KCNH5: variants seen among roughly 807,000 people sequenced by gnomAD.
KCNH5 encodes potassium voltage-gated channel subfamily H member 5.
Under a neutral mutation model 96.1 loss-of-function variants are expected in KCNH5, and 46 were observed. The observed-to-expected ratio is 0.48, with a 90% CI of 0.38 to 0.61. The LOEUF is 0.61. KCNH5 is among the 20% of genes least tolerant of loss of function. KCNH5 has a pLI of 0.00. For missense variants in KCNH5, 907 were observed against 1,225.8 expected (o/e 0.74, Z 3.88); for synonymous variants, 439 against 449.8 (o/e 0.98, Z 0.30).
intron 6 of KCNH5, among the ~76,000 whole-genome samples, chr14:62,955,441 A>G (rs778726846): frequency 6.6e-6 from 1 of 152,222 alleles, no homozygotes; most frequent in South Asian, 2.1e-4. Context: ...TTAAATTAAA[A>G]TTCAGAACAA....
chr14:62,781,543 G>A (rs907972762), intron 9 of KCNH5, among the ~76,000 whole-genome samples: 10 of 152,142 alleles, frequency 6.6e-5, no homozygotes, highest in East Asian at 1.9e-4. Context: ...CACGCCCGGC[G>A]GGGGGTGGGG....
chr14:62,735,438 C>T (rs1885136375), intron 10 of KCNH5, among the ~76,000 whole-genome samples: 1 of 152,148 alleles, frequency 6.6e-6, no homozygotes, highest in African/African-American at 2.4e-5. Context: ...TGAGATTCTT[C>T]AATTTCACTG....
intron 5 of KCNH5, among the ~76,000 whole-genome samples, chr14:62,984,875 A>G (rs895426334): frequency 9.2e-5 from 14 of 152,298 alleles, no homozygotes; most frequent in Admixed American, 7.8e-4. Context: ...AACAATTCTG[A>G]GTGATTCTGG....
intron 7 of KCNH5, among the ~76,000 whole-genome samples, chr14:62,937,547 T>C (rs1889708750): frequency 6.6e-6 from 1 of 152,160 alleles, no homozygotes; most frequent in Admixed American, 6.5e-5. Flanking sequence ...CTGCAACACA[T>C]TTCTTTTTCA....
intron 10 of KCNH5, among the ~76,000 whole-genome samples, chr14:62,744,371 A>T (rs1489206820): frequency 6.6e-6 from 1 of 152,154 alleles, no homozygotes; most frequent in Non-Finnish European, 1.5e-5. Flanking sequence ...CAGATTTCTA[A>T]ACTGTAAGAG....
intron 10 of KCNH5, among the ~76,000 whole-genome samples, chr14:62,764,788 A>G (rs1016995273): frequency 2.0e-5 from 3 of 152,170 alleles, no homozygotes; most frequent in African/African-American, 7.2e-5. Flanking sequence ...ACACAAAAAT[A>G]AAGTACCCAA....
chr14:62,762,646 T>A (rs1054806899), intron 10 of KCNH5, among the ~76,000 whole-genome samples: 1 of 151,624 alleles, frequency 6.6e-6, no homozygotes, highest in Non-Finnish European at 1.5e-5. Flanking sequence ...CCATTTCACA[T>A]GCAATGACAT....
At chr14:62,892,521 C>A (rs554767108) in intron 7 of KCNH5, among the ~76,000 whole-genome samples, 1 of 152,280 alleles carries the variant, frequency 6.6e-6, no homozygotes, top group South Asian at 2.1e-4. Flanking sequence ...GGCCAAGATG[C>A]CTGGTAAAAA....
chr14:62,727,795 A>G (rs1884963822), intron 10 of KCNH5, among the ~76,000 whole-genome samples: 1 of 150,236 alleles, frequency 6.7e-6, no homozygotes, highest in Non-Finnish European at 1.5e-5. Flanking sequence ...AAAAAAAAGC[A>G]GGAGACTTAT....
intron 8 of KCNH5, among the ~76,000 whole-genome samples, chr14:62,821,680 A>C (rs900459236): frequency 3.9e-5 from 6 of 152,152 alleles, no homozygotes; most frequent in Non-Finnish European, 8.8e-5. Context: ...TTCAGACATA[A>C]TTTTCATTAT....
At chr14:62,831,744 T>G (rs1373271579) in intron 8 of KCNH5, among the ~76,000 whole-genome samples, 2 of 152,242 alleles carry the variant, frequency 1.3e-5, no homozygotes, top group Non-Finnish European at 2.9e-5. Context: ...AATCTCACTC[T>G]GTCATCCAGG....
rs942896868 is a variant in KCNH5, at chr14:62,705,889, T to G, written c.*1619A>C. 6.6e-6 allele frequency: 1 copy of G among 152,140 alleles called. No individual in the cohort carries two copies. Among genetic ancestry groups the G allele is most frequent in the African/African-American group, 2.4e-5 (1 of 41,454 alleles). The allele number at this position is 152,140 out of a possible 1,614,324, so 9.4% of individuals were successfully genotyped here. ...CATATTGTTAACATATATGTACAGA[T>G]GGTCCCGTAATATATAAATTACTCA... On this transcript the variant is annotated 3_prime_UTR_variant, in exon 11 of 11. Transcript: ENST00000322893.
chr14:62,865,605 G>A (rs1382741950), intron 7 of KCNH5, among the ~76,000 whole-genome samples: 3 of 152,170 alleles, frequency 2.0e-5, no homozygotes, highest in Admixed American at 1.3e-4. Flanking sequence ...GGGCCCGGGG[G>A]CTATCTGCGC....
intron 7 of KCNH5, among the ~76,000 whole-genome samples, chr14:62,934,181 G>C (rs1889633965): frequency 1.3e-5 from 2 of 149,972 alleles, no homozygotes; most frequent in South Asian, 4.2e-4. Context: ...ACCCAGGCTG[G>C]AGTGCAGTGG....
intron 10 of KCNH5, among the ~76,000 whole-genome samples, chr14:62,760,325 A>G (rs1343052849): frequency 6.6e-6 from 1 of 152,200 alleles, no homozygotes; most frequent in Non-Finnish European, 1.5e-5. Context: ...TCTAAGTTAT[A>G]ATACAGTCCA....
chr14:62,930,661 C>G (rs1406699985), intron 7 of KCNH5, among the ~76,000 whole-genome samples: 1 of 152,146 alleles, frequency 6.6e-6, no homozygotes. Flanking sequence ...AAAATTCACA[C>G]AGCATTGTGA....
chr14:63,001,158 T>C (rs963433742), intron 4 of KCNH5, among the ~76,000 whole-genome samples, 173 bp downstream of exon 4: 4 of 152,214 alleles, frequency 2.6e-5, no homozygotes, highest in African/African-American at 9.7e-5. Flanking sequence ...TGGATAGACA[T>C]GCCATTTCTA....
At chr14:62,786,154 G>C (rs763370667) in intron 9 of KCNH5, among the ~76,000 whole-genome samples, 3 of 152,154 alleles carry the variant, frequency 2.0e-5, no homozygotes, top group Admixed American at 2.0e-4. Flanking sequence ...TCACGCCACT[G>C]CTCTCCAGCC....
intron 6 of KCNH5, among the ~76,000 whole-genome samples, chr14:62,962,985 T>C (rs937689278): frequency 1.3e-5 from 2 of 152,114 alleles, no homozygotes; most frequent in African/African-American, 4.8e-5. Context: ...AAGAATGTAA[T>C]CATTTTCTGA....
Sources: gnomAD v4.1 joint callset for allele counts (sites outside exome capture counted in the v4.1 genomes callset) on GRCh38, gnomAD v4.1.1 for gene constraint, MANE v1.5 for transcripts, NCBI Gene and HGNC (gene_info 2026-07-23, HGNC 2026-07-21) for gene names.